The following RANBP3L variants were observed in gnomAD, a reference collection of about 807,000 sequenced individuals.
RANBP3L encodes the protein RAN binding protein 3 like.
Under a neutral mutation model 67.2 loss-of-function variants are expected in RANBP3L, and 56 were observed. The observed-to-expected ratio is 0.83, with a 90% CI of 0.67 to 1.04. The LOEUF is 1.04. Ranked by LOEUF, RANBP3L falls within the 50% of genes least tolerant of loss-of-function variation. RANBP3L has a pLI of 0.00. For synonymous variants in RANBP3L, 164 were observed against 181.4 expected (o/e 0.90, Z 0.77); for missense variants, 496 against 535.5 (o/e 0.93, Z 0.73).
chr5:36,281,386 G>A (rs1750959267), intron 1 of RANBP3L, among the ~76,000 whole-genome samples: 1 of 152,162 alleles, frequency 6.6e-6, no homozygotes, highest in African/African-American at 2.4e-5. Context: ...AGAGAACTAA[G>A]GCTCTAAAAT....
In RANBP3L at chr5:36,249,405, A is replaced by T. The variant is rs184046068; in HGVS notation, c.*249T>A. ...AGTTATAAAATCCTATTCTAAATAA[A>T]CTTCTTCAAAAATGATAAATTTTGA... On this transcript the variant is annotated 3_prime_UTR_variant, in exon 14 of 14. Transcript: ENST00000296604. 8.8e-4 allele frequency: 242 copies of T among 273,534 alleles called. No homozygotes were observed. The highest frequency in any genetic ancestry group is 4.8e-3 in the African/African-American group (220 of 45,490). The allele number at this position is 273,534 out of a possible 1,614,324, so 16.9% of individuals were successfully genotyped here. A position where few individuals can be genotyped will look rare whatever the true frequency, so the allele number is the denominator to read the frequency against.
At chr5:36,291,144 TA>T (rs1168010308) in intron 1 of RANBP3L, among the ~76,000 whole-genome samples, 2 of 151,922 alleles carry the variant, frequency 1.3e-5, no homozygotes, top group African/African-American at 4.8e-5. Flanking sequence ...CACATGTTTG[TA>T]TAACCAATCT....
chr5:36,253,679 C>G lies in RANBP3L; in HGVS notation c.1135G>C (p.Glu379Gln), dbSNP rs747964100. 1 of 1,609,892 alleles carries G rather than the reference C, an allele frequency of 6.2e-7. No individual in the cohort carries two copies. The highest frequency in any genetic ancestry group is 1.1e-5 in the South Asian group (1 of 90,936). Residue 379 changes from glutamate to glutamine, a missense_variant, in exon 12 of 14, where the codon GAA becomes CAA. Coordinates refer to ENST00000296604, the MANE Select transcript of RANBP3L (RefSeq NM_145000.5). ...AAAAATATTTTGATGCTATAGTCTTCTAAATCAGTAGCTGTTATTCGTACA... is the reference window on the plus strand; with the variant it reads ...AAAAATATTTTGATGCTATAGTCTTGTAAATCAGTAGCTGTTATTCGTACA... ...KNVRITATDL[E>Q]DYSIKIFLIQ...
chr5:36,257,515 T>C lies in RANBP3L; in HGVS notation c.711A>G (p.Ser237=), dbSNP rs149245234. ...ATTTGAATGGTTTTTCCTTGGCATA[T>C]GAATCATTTTCAAGTTGAGGCTGGG... is the stretch of plus-strand genomic sequence containing the variant. The part of the protein sequence containing the change: ...KLTQPQLEND[S]YAKEKPFKSI... Residue 237 remains serine (S), a synonymous_variant, in exon 9 of 14, where the codon TCA becomes TCG. Transcript: ENST00000296604. 70 of 1,598,314 alleles carry C rather than the reference T, an allele frequency of 4.4e-5. No homozygotes were observed. In the African/African-American group the frequency reaches 7.1e-4, roughly 16 times the overall value.
chr5:36,284,949 A>G (rs2112045373), intron 1 of RANBP3L, among the ~76,000 whole-genome samples: 2 of 152,316 alleles, frequency 1.3e-5, no homozygotes, highest in East Asian at 3.9e-4. Context: ...AGTCCTTCTC[A>G]GGTACTTAGC....
At chr5:36,298,480 C>T (rs1277076023) in intron 1 of RANBP3L, among the ~76,000 whole-genome samples, 3 of 152,304 alleles carry the variant, frequency 2.0e-5, no homozygotes, top group Non-Finnish European at 4.4e-5. Context: ...AGCCAGACCT[C>T]ACTCTCTAAA....
chr5:36,255,681 G>A, intron 10 of RANBP3L, 91 bp from the exon 11 acceptor site: 1 of 723,186 alleles, frequency 1.4e-6, no homozygotes. Flanking sequence ...TATGTGTCTA[G>A]TCTTTTACCA....
At chr5:36,256,208 C>G (rs4869635) in intron 10 of RANBP3L, among the ~76,000 whole-genome samples, 130,750 of 151,988 alleles carry the variant, frequency 0.86, 57,823 homozygotes, top group Non-Finnish European at 0.97. Context: ...AATATAGCAT[C>G]CTGGAGCCTC....
chr5:36,250,000 G>A (rs1748483977), intron 13 of RANBP3L, among the ~76,000 whole-genome samples: 1 of 151,840 alleles, frequency 6.6e-6, no homozygotes, highest in Non-Finnish European at 1.5e-5. Context: ...GGAAAAAATG[G>A]CAGGGGAAAG....
At chr5:36,262,463 A>G (rs2362980) in intron 6 of RANBP3L, among the ~76,000 whole-genome samples, 130,891 of 152,154 alleles carry the variant, frequency 0.86, 57,886 homozygotes, top group Non-Finnish European at 0.97. Context: ...TAGTCACCCA[A>G]TGTGAGAGAA....
chr5:36,266,261 A>G (rs1192025562), intron 4 of RANBP3L, among the ~76,000 whole-genome samples: 1 of 152,192 alleles, frequency 6.6e-6, no homozygotes, highest in Non-Finnish European at 1.5e-5. Context: ...GAAAGAAGTA[A>G]AGATGACAAA....
chr5:36,274,752 G>T (rs1030184778), intron 1 of RANBP3L, among the ~76,000 whole-genome samples: 5 of 152,104 alleles, frequency 3.3e-5, no homozygotes, highest in African/African-American at 1.2e-4. Flanking sequence ...CACCCCTCCC[G>T]CGGTGATGAA....
intron 4 of RANBP3L, among the ~76,000 whole-genome samples, chr5:36,266,026 A>G (rs895777634): frequency 5.9e-5 from 9 of 151,770 alleles, no homozygotes; most frequent in Non-Finnish European, 1.3e-4. Context: ...GTCCTGCTAC[A>G]TAGTTCTGTT....
At position 36,276,742 on chromosome 5, in the gene RANBP3L, C is replaced by A. The variant is rs920916348; in HGVS notation, c.92-5431G>T. On this transcript the variant is annotated intron_variant, in intron 1 of 13. Transcript: ENST00000296604. ...GGAAAGTAACTGGAGGATTTTTTTGCTGGATCCTCTCAGAGATGGGGATTT... is the reference window on the plus strand; with the variant it reads ...GGAAAGTAACTGGAGGATTTTTTTGATGGATCCTCTCAGAGATGGGGATTT... Among the ~76,000 whole-genome samples the A allele has an allele frequency of 5.3e-5, 8 of 151,880 alleles. No homozygotes were observed. The East Asian group carries it at 1.5e-3, about 29-fold the overall frequency.
At chr5:36,264,023 A>G (rs1749577163) in intron 6 of RANBP3L, among the ~76,000 whole-genome samples, 1 of 152,258 alleles carries the variant, frequency 6.6e-6, no homozygotes, top group Non-Finnish European at 1.5e-5. Flanking sequence ...CTTACAAAGT[A>G]AAGAGTTTAG....
At chr5:36,268,485 A>G (rs2111861648) in intron 4 of RANBP3L, among the ~76,000 whole-genome samples, 1 of 152,276 alleles carries the variant, frequency 6.6e-6, no homozygotes, top group African/African-American at 2.4e-5. Flanking sequence ...ACCATATGTA[A>G]GACACTATCA....
chr5:36,259,562 G>C (rs1330767119), intron 8 of RANBP3L, among the ~76,000 whole-genome samples: 3 of 143,818 alleles, frequency 2.1e-5, no homozygotes, highest in Non-Finnish European at 3.0e-5. Context: ...CAGCCTAGGT[G>C]AAAGAGCAAG....
intron 12 of RANBP3L, among the ~76,000 whole-genome samples, chr5:36,253,412 G>C (rs1748734015): frequency 6.6e-6 from 1 of 152,042 alleles, no homozygotes; most frequent in Admixed American, 6.6e-5. Flanking sequence ...CTAGAGATTT[G>C]ATGGCATGTA....
At chr5:36,281,777 T>C (rs1369116971) in intron 1 of RANBP3L, among the ~76,000 whole-genome samples, 1 of 152,212 alleles carries the variant, frequency 6.6e-6, no homozygotes, top group Non-Finnish European at 1.5e-5. Flanking sequence ...ATCCTAGCAA[T>C]GTAAAATCTC....
Sources: gnomAD v4.1 joint callset for allele counts (sites outside exome capture counted in the v4.1 genomes callset) on GRCh38, gnomAD v4.1.1 for gene constraint, MANE v1.5 for transcripts, NCBI Gene and HGNC (gene_info 2026-07-23, HGNC 2026-07-21) for gene names.